The following IRF2 variants were observed in gnomAD, a reference collection of about 807,000 sequenced individuals.
IRF2 encodes the protein interferon regulatory factor 2.
In IRF2, 15 loss-of-function variants were observed where a neutral mutation model predicts 40.6. The observed-to-expected ratio is 0.37, with a 90% CI of 0.25 to 0.57. The LOEUF is 0.57. Among genes scored for constraint, IRF2 ranks in the 20% least tolerant of loss-of-function variants. The pLI is 0.77. For missense variants in IRF2, 317 were observed against 455.7 expected, an observed-to-expected ratio of 0.70 and a Z score of 2.77; for synonymous variants, 151 against 165.5, an observed-to-expected ratio of 0.91 and a Z score of 0.67.
chr4:184,415,594 T>C (rs1008840789), intron 5 of IRF2, among the ~76,000 whole-genome samples: 1 of 152,228 alleles, frequency 6.6e-6, no homozygotes, highest in African/African-American at 2.4e-5. Flanking sequence ...CATGGTTTCA[T>C]TGCAAGCAGT....
chr4:184,405,010 A>C (rs1220146768), intron 6 of IRF2, among the ~76,000 whole-genome samples: 1 of 152,216 alleles, frequency 6.6e-6, no homozygotes, highest in Non-Finnish European at 1.5e-5. Context: ...TGGGAGACCG[A>C]GGTAGGTGGA....
chr4:184,422,726 A>C (rs1046821397), intron 2 of IRF2, among the ~76,000 whole-genome samples: 3 of 152,156 alleles, frequency 2.0e-5, no homozygotes, highest in African/African-American at 7.2e-5. Flanking sequence ...TATTCCAGAA[A>C]AGACAGAGAG....
intron 1 of IRF2, among the ~76,000 whole-genome samples, chr4:184,435,093 C>G (rs1186134708): frequency 1.3e-5 from 2 of 152,112 alleles, no homozygotes; most frequent in African/African-American, 2.4e-5. Flanking sequence ...CAAGTTTTGC[C>G]ATTTAACCCT....
At chr4:184,452,770 C>CA (rs530415114) in intron 1 of IRF2, among the ~76,000 whole-genome samples, 33 of 53,822 alleles carry the variant, frequency 6.1e-4, no homozygotes, top group African/African-American at 2.1e-3. Context: ...GACCCTGTCT[C>CA]AAAAAAAAAA....
intron 6 of IRF2, among the ~76,000 whole-genome samples, chr4:184,403,663 A>G (rs2149894759): frequency 6.6e-6 from 1 of 152,350 alleles, no homozygotes; most frequent in African/African-American, 2.4e-5. Context: ...TCAACTCTTT[A>G]TAATATGCTC....
chr4:184,409,666 G>A (rs1057418037), intron 5 of IRF2, among the ~76,000 whole-genome samples: 5 of 152,196 alleles, frequency 3.3e-5, no homozygotes, highest in Admixed American at 3.3e-4. Context: ...GGCTGAGGCT[G>A]CAGGATCGTT....
chr4:184,410,563 C>A (rs1430269941), intron 5 of IRF2, among the ~76,000 whole-genome samples: 1 of 152,224 alleles, frequency 6.6e-6, no homozygotes, highest in African/African-American at 2.4e-5. Context: ...CACCCCGAGT[C>A]ATGCCCCACC....
intron 1 of IRF2, among the ~76,000 whole-genome samples, chr4:184,469,641 C>T (rs922975519): frequency 6.6e-6 from 1 of 152,212 alleles, no homozygotes; most frequent in Non-Finnish European, 1.5e-5. Context: ...AGCCACCGCA[C>T]TCCAGCCTGG....
chr4:184,424,615 G>A (rs916422837), intron 2 of IRF2, among the ~76,000 whole-genome samples: 4 of 152,160 alleles, frequency 2.6e-5, no homozygotes, highest in Admixed American at 2.6e-4. Context: ...TTTGCAGAGG[G>A]TCCCCACCAG....
At chr4:184,421,387 T>C (rs1287308155) in intron 2 of IRF2, among the ~76,000 whole-genome samples, 1 of 152,222 alleles carries the variant, frequency 6.6e-6, no homozygotes, top group Non-Finnish European at 1.5e-5. Context: ...GGCTTCGGGT[T>C]AGCCAATTTC....
At chr4:184,405,729 A>C (rs886226546) in intron 6 of IRF2, among the ~76,000 whole-genome samples, 2 of 152,194 alleles carry the variant, frequency 1.3e-5, no homozygotes, top group Non-Finnish European at 2.9e-5. Context: ...AAGTACGGTG[A>C]GGGAAGATAG....
chr4:184,428,588 A>T, intron 2 of IRF2: 1 of 398,996 alleles, frequency 2.5e-6, no homozygotes, highest in South Asian at 1.8e-5. Context: ...ACTTCAGCCC[A>T]GGAGTTCAAG....
chr4:184,437,831 CA>C (rs35659512), intron 1 of IRF2, among the ~76,000 whole-genome samples: 27,788 of 120,306 alleles, frequency 0.23, 2,918 homozygotes, highest in East Asian at 0.39. Flanking sequence ...TTGGAACGTA[CA>C]AAAAAAAAAA....
intron 1 of IRF2, among the ~76,000 whole-genome samples, chr4:184,431,046 A>G (rs999172978): frequency 2.6e-5 from 4 of 152,042 alleles, no homozygotes; most frequent in Non-Finnish European, 2.9e-5. Context: ...TGCCTTCCAC[A>G]TAGGAAACAC....
At position 184,429,460 on chromosome 4, in the gene IRF2, G is replaced by A. The variant is rs984014697; in HGVS notation, c.-6-390C>T. Among the ~76,000 whole-genome samples the A allele has an allele frequency of 3.9e-5, 6 of 152,168 alleles. No individual in the cohort carries two copies. In the East Asian group the frequency reaches 1.2e-3, roughly 29 times the overall value. On this transcript the variant is annotated intron_variant, in intron 1 of 8. Coordinates refer to ENST00000393593, the MANE Select transcript of IRF2 (RefSeq NM_002199.4). Reference sequence around the variant, plus strand: ...TGATCCTTCCAAGAGCCAAGGGGTGGGCAGAGCAAAGCAGTTGTGGGAAAA... The same window carrying A: ...TGATCCTTCCAAGAGCCAAGGGGTGAGCAGAGCAAAGCAGTTGTGGGAAAA...
At chr4:184,437,831 CAAAAAAA>C (rs35659512) in intron 1 of IRF2, among the ~76,000 whole-genome samples, 4 of 120,566 alleles carry the variant, frequency 3.3e-5, no homozygotes, top group Non-Finnish European at 7.3e-5. Flanking sequence ...TTGGAACGTA[CAAAAAAA>C]AAAAAAAAAA....
At chr4:184,389,903 G>A (rs572006866) in intron 8 of IRF2, among the ~76,000 whole-genome samples, 1 of 152,324 alleles carries the variant, frequency 6.6e-6, no homozygotes, top group Non-Finnish European at 1.5e-5. Context: ...AGAGCTCCAC[G>A]GTGTACAGCA....
rs1579076806 is a variant in IRF2, at chr4:184,429,142, C to A, written c.-6-72G>T. 44 of 1,150,642 alleles carry A rather than the reference C, an allele frequency of 3.8e-5. 1 individual carries two copies. The East Asian group carries it at 9.4e-4, about 25-fold the overall frequency. 71.3% of individuals were successfully genotyped at this position (1,150,642 alleles called of 1,614,324 possible). ...GGTGTCTGCACTGCAGAGTTCTACACCCCGCCTGACTCTTTCCTTCTCTCC... is the reference window on the plus strand; with the variant it reads ...GGTGTCTGCACTGCAGAGTTCTACAACCCGCCTGACTCTTTCCTTCTCTCC... On this transcript the variant is annotated intron_variant, in intron 1 of 8. Coordinates refer to ENST00000393593, the MANE Select transcript of IRF2 (RefSeq NM_002199.4).
intron 1 of IRF2, among the ~76,000 whole-genome samples, chr4:184,452,173 A>G (rs958066114): frequency 7.2e-5 from 11 of 152,174 alleles, no homozygotes; most frequent in African/African-American, 2.7e-4. Context: ...GTCATGGGAA[A>G]TGATGCTGGC....
Sources: allele counts gnomAD v4.1 joint callset (sites outside exome capture counted in the v4.1 genomes callset), GRCh38; gene constraint gnomAD v4.1.1; transcripts MANE v1.5; gene names NCBI Gene and HGNC (gene_info 2026-07-23, HGNC 2026-07-21).